The following PCDHA7 variants were observed in gnomAD, a reference collection of about 807,000 sequenced individuals.
PCDHA7 encodes protocadherin alpha-7.
In PCDHA7, 37 loss-of-function variants were observed where a neutral mutation model predicts 57.2. The ratio of observed to expected loss-of-function variants is 0.65; its 90% CI spans 0.50 to 0.85. PCDHA7 has a LOEUF of 0.85. Among genes scored for constraint, PCDHA7 ranks in the 40% least tolerant of loss-of-function variants. The probability of loss-of-function intolerance (pLI) is 0.00; values close to 1 mark genes in which losing one functional copy is unlikely to be tolerated. For synonymous variants in PCDHA7, 553 were observed against 558.8 expected (o/e 0.99, Z 0.15); for missense variants, 1,188 against 1,241.8 (o/e 0.96, Z 0.65).
At chr5:140,922,072 A>C (rs1390677282) in intron 1 of PCDHA7, among the ~76,000 whole-genome samples, 1 of 152,198 alleles carries the variant, frequency 6.6e-6, no homozygotes, top group East Asian at 1.9e-4. Context: ...AATCCCACTA[A>C]GCAAAAAGTG....
intron 3 of PCDHA7, among the ~76,000 whole-genome samples, chr5:141,001,813 G>A (rs782384459): frequency 2.6e-5 from 4 of 152,172 alleles, no homozygotes; most frequent in Non-Finnish European, 4.4e-5. Flanking sequence ...TCTACAATCG[G>A]CCAAATTCTG....
At chr5:140,994,573 C>A (rs1587629172) in intron 3 of PCDHA7, among the ~76,000 whole-genome samples, 1 of 152,000 alleles carries the variant, frequency 6.6e-6, no homozygotes, top group African/African-American at 2.4e-5. Context: ...GGTGTGGTGG[C>A]ATGCACTTGT....
intron 1 of PCDHA7, among the ~76,000 whole-genome samples, chr5:140,902,501 A>G (rs1264806549): frequency 1.3e-5 from 2 of 152,020 alleles, no homozygotes; most frequent in Admixed American, 6.6e-5. Context: ...ACTAGCTGTG[A>G]GTCTGTCATA....
chr5:141,000,912 A>G (rs1434885581), intron 3 of PCDHA7, among the ~76,000 whole-genome samples: 1 of 152,194 alleles, frequency 6.6e-6, no homozygotes, highest in East Asian at 1.9e-4. Context: ...TGTCTCTAAA[A>G]AAAAAAATCC....
intron 1 of PCDHA7, chr5:140,851,685 G>T: frequency 1.1e-6 from 1 of 926,488 alleles, no homozygotes; most frequent in Non-Finnish European, 1.3e-6. Context: ...TCTCCATTCA[G>T]TGATAAAATG....
chr5:140,842,521 C>A (rs144333530), intron 1 of PCDHA7: 1 of 1,613,390 alleles, frequency 6.2e-7, no homozygotes, highest in African/African-American at 1.3e-5. Context: ...TGGTGTCCAC[C>A]TTCAAGAATT....
chr5:140,966,470 T>C, intron 1 of PCDHA7: 1 of 431,298 alleles, frequency 2.3e-6, no homozygotes, highest in Non-Finnish European at 4.0e-6. Context: ...TCTTCCCTTC[T>C]GTTTCCTTTT....
At chr5:140,869,729 A>T (rs1554163384) in intron 1 of PCDHA7, 2 of 1,613,280 alleles carry the variant, frequency 1.2e-6, no homozygotes, top group Non-Finnish European at 1.7e-6. Context: ...CCGGAACTTA[A>T]TTTGCTGCTA....
rs145175505 is a variant in PCDHA7, at chr5:140,843,176, C to T, written c.2355+6438C>T. On this transcript the variant is annotated intron_variant, in intron 1 of 3. Coordinates refer to ENST00000525929, the MANE Select transcript of PCDHA7 (RefSeq NM_018910.3). ...GCTGCAGCCAGCTGCAAGCAGCCCT[C>T]GCATCCCGTTCCGCGTGGGGCTGTA... 1.2e-5 allele frequency: 19 copies of T among 1,595,968 alleles called. 3 individuals carry two copies. Among genetic ancestry groups the T allele is most frequent in the Non-Finnish European group, 1.5e-5 (18 of 1,165,618 alleles).
At chr5:140,946,151 C>T (rs943826321) in intron 1 of PCDHA7, among the ~76,000 whole-genome samples, 6 of 151,694 alleles carry the variant, frequency 4.0e-5, no homozygotes, top group East Asian at 1.9e-4. Context: ...ACAAATAACA[C>T]GATTTAAAAG....
chr5:140,839,338 AG>A (rs2150296431), intron 1 of PCDHA7, among the ~76,000 whole-genome samples: 1 of 151,246 alleles, frequency 6.6e-6, no homozygotes, highest in Non-Finnish European at 1.5e-5. Context: ...TGAAGTTGAT[AG>A]GGGATCCTCC....
intron 1 of PCDHA7, chr5:140,861,376 C>G (rs1490345053): frequency 4.8e-6 from 2 of 418,688 alleles, no homozygotes; most frequent in African/African-American, 4.1e-5. Flanking sequence ...GTCCCTATTG[C>G]GCAGGACCTG....
At chr5:140,947,153 C>T (rs1306730368) in intron 1 of PCDHA7, among the ~76,000 whole-genome samples, 4 of 150,836 alleles carry the variant, frequency 2.7e-5, no homozygotes, top group African/African-American at 4.9e-5. Context: ...GTTACTTCCA[C>T]GGGGTAGAAA....
At chr5:140,965,254 T>C (rs2153743153) in intron 1 of PCDHA7, among the ~76,000 whole-genome samples, 1 of 152,302 alleles carries the variant, frequency 6.6e-6, no homozygotes, top group African/African-American at 2.4e-5. Context: ...TATTCAGAAC[T>C]GAGCAGCAGA....
rs782037799 is a variant in PCDHA7 at position 140,877,180 on chromosome 5, G to A, written c.2355+40442G>A. ...CGCGCCGGCACTGCTGGCGACTCCG[G>A]CTGGCAGCGCAGGAGGCGCAGTTAG... On this transcript the variant is annotated intron_variant, in intron 1 of 3. Transcript: ENST00000525929. The A allele has an allele frequency of 1.1e-5, 18 of 1,613,692 alleles. No individual in the cohort carries two copies. In the South Asian group the frequency reaches 1.5e-4, roughly 14 times the overall value.
intron 1 of PCDHA7, among the ~76,000 whole-genome samples, chr5:140,918,864 A>T (rs1225688566): frequency 6.6e-6 from 1 of 152,180 alleles, no homozygotes; most frequent in Non-Finnish European, 1.5e-5. Flanking sequence ...TGAATCATGA[A>T]CTTTCAAGCC....
intron 1 of PCDHA7, chr5:140,863,098 A>C (rs781829362): frequency 1.7e-6 from 1 of 578,270 alleles, no homozygotes; most frequent in Non-Finnish European, 3.4e-6. Context: ...CACGACGAGT[A>C]CCCTGGACGA....
rs530453384 is a variant in PCDHA7, at chr5:140,891,358, GA to G, written c.2355+54621del. Among the ~76,000 whole-genome samples the G allele has an allele frequency of 3.0e-3, 462 of 152,158 alleles. 1 individual carries two copies. Among genetic ancestry groups the G allele is most frequent in the Non-Finnish European group, 4.7e-3 (320 of 67,992 alleles). On this transcript the variant is annotated intron_variant, in intron 1 of 3. Transcript: ENST00000525929. ...TGAGATTTTGGTGCATCCATCACCT[GA>G]GCAGTATACATTGCACCATATTTGC...
chr5:140,964,909 A>G (rs1164322313), intron 1 of PCDHA7, among the ~76,000 whole-genome samples: 1 of 152,208 alleles, frequency 6.6e-6, no homozygotes, highest in African/African-American at 2.4e-5. Context: ...GCTTCTCTGG[A>G]ATAACACTGG....
Sources: gnomAD v4.1 joint callset for allele counts (sites outside exome capture counted in the v4.1 genomes callset) on GRCh38, gnomAD v4.1.1 for gene constraint, MANE v1.5 for transcripts, NCBI Gene and HGNC (gene_info 2026-07-23, HGNC 2026-07-21) for gene names.